The following CBLN2 variants were observed in gnomAD, a reference collection of about 807,000 sequenced individuals.
CBLN2 encodes cerebellin 2 precursor, also known as cerebellin-2.
In CBLN2, 7 loss-of-function variants were observed where a neutral mutation model predicts 15.0. The ratio of observed to expected loss-of-function variants is 0.47; its 90% CI spans 0.27 to 0.88. The LOEUF (loss-of-function observed/expected upper bound fraction) is 0.88. CBLN2 is among the 40% of genes least tolerant of loss of function. The pLI is 0.14. For synonymous variants in CBLN2, 149 were observed against 135.2 expected, an observed-to-expected ratio of 1.10 and a Z score of -0.71; for missense variants, 242 against 304.5, an observed-to-expected ratio of 0.79 and a Z score of 1.53.
At position 72,606,909 on chromosome 18, in the gene CBLN2, C is replaced by G. The variant is rs570542117; in HGVS notation, c.15+31416G>C. ...CATGGATTGCGCTCTTTCATGCACA[C>G]AGTATGTCTCCCTGTTGGAGGTAGA... On this transcript the variant is annotated intron_variant, in intron 1 of 2. Transcript: ENST00000581073. Among the ~76,000 whole-genome samples the G allele has an allele frequency of 2.0e-5, 3 of 152,324 alleles. No individual in the cohort carries two copies. In the South Asian group the frequency reaches 6.2e-4, roughly 32 times the overall value.
intron 1 of CBLN2, among the ~76,000 whole-genome samples, chr18:72,557,768 G>A (rs867919453): frequency 2.0e-5 from 3 of 152,102 alleles, no homozygotes; most frequent in Admixed American, 6.6e-5. Flanking sequence ...GGTGGGGTGC[G>A]GGGAGAGAGC....
At chr18:72,618,993 T>C in intron 1 of CBLN2, 1 of 766,542 alleles carries the variant, frequency 1.3e-6, no homozygotes, top group Non-Finnish European at 2.3e-6. Context: ...GCGGGGATGG[T>C]CATCATGGAT....
chr18:72,586,814 T>C (rs2069446487), intron 1 of CBLN2, among the ~76,000 whole-genome samples: 1 of 152,044 alleles, frequency 6.6e-6, no homozygotes, highest in Non-Finnish European at 1.5e-5. Context: ...ATAAGTGAAA[T>C]AGGCCTTTTG....
At chr18:72,619,033 G>C in intron 1 of CBLN2, 2 of 760,836 alleles carry the variant, frequency 2.6e-6, no homozygotes, top group Non-Finnish European at 4.7e-6. Context: ...TTTTGGAGGT[G>C]GTGGAAGCTA....
intron 1 of CBLN2, among the ~76,000 whole-genome samples, chr18:72,589,191 C>A (rs2069462469): frequency 6.6e-6 from 1 of 152,016 alleles, no homozygotes; most frequent in Non-Finnish European, 1.5e-5. Flanking sequence ...AGAGAAAGAG[C>A]ATTTAAGTAA....
intron 1 of CBLN2, among the ~76,000 whole-genome samples, chr18:72,586,300 G>A (rs182619271): frequency 6.6e-6 from 1 of 152,286 alleles, no homozygotes; most frequent in Non-Finnish European, 1.5e-5. Context: ...ATATAACTGT[G>A]GCTGGCTTTT....
chr18:72,584,002 T>C (rs1310112514), intron 1 of CBLN2, among the ~76,000 whole-genome samples: 2 of 152,210 alleles, frequency 1.3e-5, no homozygotes, highest in African/African-American at 2.4e-5. Flanking sequence ...CACTTTGTTA[T>C]CATGACCTGG....
At chr18:72,614,803 A>C (rs2069645814) in intron 1 of CBLN2, among the ~76,000 whole-genome samples, 1 of 151,930 alleles carries the variant, frequency 6.6e-6, no homozygotes, top group South Asian at 2.1e-4. Context: ...TGATAAGTAA[A>C]ATATACACTC....
At chr18:72,621,735 C>T (rs568918788) in intron 1 of CBLN2, among the ~76,000 whole-genome samples, 22 of 152,278 alleles carry the variant, frequency 1.4e-4, no homozygotes, top group African/African-American at 5.1e-4. Context: ...AATTTTCCAT[C>T]CTCAACAAAG....
intron 1 of CBLN2, among the ~76,000 whole-genome samples, chr18:72,585,227 G>T (rs2069434580): frequency 6.6e-6 from 1 of 152,204 alleles, no homozygotes; most frequent in Non-Finnish European, 1.5e-5. Context: ...CCCACAACAT[G>T]GTGAGTGGAG....
At position 72,542,112 on chromosome 18, in the gene CBLN2, C is replaced by CG; in HGVS notation, c.48dup (p.Gly17ArgfsTer113). ...GGCTCGCGCAGCGCCCCCCGGCGCC[C>CG]GGGCATCATCAGCCGCAGCCCGAGT... is the stretch of plus-strand genomic sequence containing the variant. On this transcript the variant is annotated frameshift_variant, in exon 3 of 5. Transcript: ENST00000269503. LOFTEE classifies it high-confidence loss of function. The CG allele has an allele frequency of 6.9e-7, 1 of 1,440,876 alleles. No individual in the cohort carries two copies. The highest frequency in any genetic ancestry group is 9.0e-7 in the Non-Finnish European group (1 of 1,106,994). The allele number at this position is 1,440,876 out of a possible 1,614,324, so 89.3% of individuals were successfully genotyped here.
At chr18:72,609,761 C>A (rs1453286033) in intron 1 of CBLN2, among the ~76,000 whole-genome samples, 3 of 152,194 alleles carry the variant, frequency 2.0e-5, no homozygotes, top group Non-Finnish European at 2.9e-5. Flanking sequence ...TACTTAACTC[C>A]ATTTGAGAGC....
At chr18:72,583,295 T>C (rs911932246) in intron 1 of CBLN2, among the ~76,000 whole-genome samples, 3 of 152,226 alleles carry the variant, frequency 2.0e-5, no homozygotes, top group Non-Finnish European at 4.4e-5. Context: ...GGATACCTCA[T>C]CTACCTGGAC....
chr18:72,615,969 T>A (rs2069658766), intron 1 of CBLN2, among the ~76,000 whole-genome samples: 1 of 152,186 alleles, frequency 6.6e-6, no homozygotes, highest in African/African-American at 2.4e-5. Context: ...CCTTCAATTC[T>A]AAGGACTCCT....
intron 1 of CBLN2, among the ~76,000 whole-genome samples, chr18:72,562,820 G>C (rs1320433737): frequency 6.6e-6 from 1 of 152,194 alleles, no homozygotes; most frequent in East Asian, 1.9e-4. Flanking sequence ...GGTTACCTTA[G>C]TGATTTTATT....
At chr18:72,581,968 G>A (rs1163358527) in intron 1 of CBLN2, among the ~76,000 whole-genome samples, 1 of 152,154 alleles carries the variant, frequency 6.6e-6, no homozygotes, top group Non-Finnish European at 1.5e-5. Context: ...TTTTGTTTGT[G>A]AGGAGCTTCT....
At chr18:72,568,309 A>C (rs2069309759) in intron 1 of CBLN2, among the ~76,000 whole-genome samples, 1 of 152,128 alleles carries the variant, frequency 6.6e-6, no homozygotes, top group African/African-American at 2.4e-5. Flanking sequence ...ACCCTCAAAT[A>C]GTTTCTGTTT....
intron 1 of CBLN2, among the ~76,000 whole-genome samples, chr18:72,556,301 CAAAT>C (rs1388114125): frequency 6.6e-6 from 1 of 152,044 alleles, no homozygotes; most frequent in Non-Finnish European, 1.5e-5. Flanking sequence ...ATAACTCTTC[CAAAT>C]AAATAAATAA....
At position 72,624,410 on chromosome 18, in the gene CBLN2, C is replaced by T. The variant is rs774473024; in HGVS notation, c.15+13915G>A. On this transcript the variant is annotated intron_variant, in intron 1 of 2. Transcript: ENST00000581073. ...ATGCCAGCACTTTGGGAAGCCGAGG[C>T]GGGCGGATCACTTGAGGTAGGGAGT... 3.9e-5 allele frequency among the ~76,000 whole-genome samples: 6 copies of T among 152,164 alleles called. No individual in the cohort carries two copies. The East Asian group carries it at 9.7e-4, about 25-fold the overall frequency.
Sources: gnomAD v4.1 joint callset for allele counts (sites outside exome capture counted in the v4.1 genomes callset) on GRCh38, gnomAD v4.1.1 for gene constraint, MANE v1.5 for transcripts, NCBI Gene and HGNC (gene_info 2026-07-23, HGNC 2026-07-21) for gene names.